The following ADAMTS5 variants were observed in gnomAD, a reference collection of about 807,000 sequenced individuals.
ADAMTS5 encodes the protein ADAM metallopeptidase with thrombospondin type 1 motif 5.
A neutral mutation model predicts 81.4 loss-of-function variants in ADAMTS5; 54 were observed. The observed-to-expected ratio is 0.66, with a 90% CI of 0.53 to 0.83. The LOEUF (loss-of-function observed/expected upper bound fraction) is 0.83, where lower values mean the gene tolerates loss of function less well. Among genes scored for constraint, ADAMTS5 ranks in the 40% least tolerant of loss-of-function variants. ADAMTS5 has a pLI of 0.00. For synonymous variants in ADAMTS5, 532 were observed against 508.8 expected, an observed-to-expected ratio of 1.05 and a Z score of -0.61; for missense variants, 1,194 against 1,229.9, an observed-to-expected ratio of 0.97 and a Z score of 0.44.
Position 26,922,139 on chromosome 21 carries a change from G to T in ADAMTS5, c.*1914C>A, listed in dbSNP as rs564807594. ...GATCTCCATCACATATAGGTTATCA[G>T]CCTTGTACAGGCCTCATTTCTCAAA... On this transcript the variant is annotated 3_prime_UTR_variant, in exon 8 of 8. Transcript: ENST00000284987. 2.0e-5 allele frequency: 3 copies of T among 151,968 alleles called. No individual in the cohort carries two copies. Among genetic ancestry groups the T allele is most frequent in the South Asian group, 4.1e-4 (2 of 4,824 alleles). 9.4% of individuals were successfully genotyped at this position (151,968 alleles called of 1,614,324 possible). A position where few individuals can be genotyped will look rare whatever the true frequency, so the allele number is the denominator to read the frequency against.
chr21:26,928,718 T>C (rs1472722667), intron 7 of ADAMTS5, among the ~76,000 whole-genome samples: 2 of 151,510 alleles, frequency 1.3e-5, no homozygotes, highest in Non-Finnish European at 2.9e-5. Flanking sequence ...TTTCTTTCTC[T>C]CTTTCTTCTA....
intron 3 of ADAMTS5, among the ~76,000 whole-genome samples, chr21:26,942,601 G>T (rs1425032544): frequency 6.6e-6 from 1 of 152,052 alleles, no homozygotes; most frequent in African/African-American, 2.4e-5. Flanking sequence ...ACTGAAGAAT[G>T]CTTGGAAATT....
chr21:26,958,227 T>C (rs1183461174), intron 1 of ADAMTS5, among the ~76,000 whole-genome samples: 1 of 152,116 alleles, frequency 6.6e-6, no homozygotes, highest in East Asian at 1.9e-4. Flanking sequence ...CACAGGTAGA[T>C]ACCATCACAG....
At chr21:26,932,795 T>A in intron 5 of ADAMTS5, 66 bp downstream of exon 5, 2 of 1,505,444 alleles carry the variant, frequency 1.3e-6, no homozygotes, top group Non-Finnish European at 1.8e-6. Context: ...CTTCCCTTAT[T>A]CATTATTGCT....
intron 6 of ADAMTS5, among the ~76,000 whole-genome samples, chr21:26,931,362 T>C (rs1986903657): frequency 3.3e-5 from 5 of 152,164 alleles, no homozygotes; most frequent in Admixed American, 3.3e-4. Flanking sequence ...ATTTTAAATG[T>C]AGCAACTGTT....
rs910769133 is a variant in ADAMTS5 at position 26,938,981 on chromosome 21, T to C, written c.1406-4232A>G. ...TGCAGGAGAAATCAATTAATGTTCC[T>C]AATCAAACTCATCCGAAGAAGCCTA... On this transcript the variant is annotated intron_variant, in intron 3 of 7. Transcript: ENST00000284987. Among the ~76,000 whole-genome samples, 5 of 152,250 alleles carry C rather than the reference T, an allele frequency of 3.3e-5. No individual in the cohort carries two copies. In the South Asian group the frequency reaches 6.2e-4, roughly 19 times the overall value.
chr21:26,943,938 A>G (rs1326749256), intron 2 of ADAMTS5, among the ~76,000 whole-genome samples: 1 of 152,172 alleles, frequency 6.6e-6, no homozygotes, highest in Non-Finnish European at 1.5e-5. Context: ...AAGCCCCATG[A>G]GATCAAAGTG....
intron 2 of ADAMTS5, among the ~76,000 whole-genome samples, chr21:26,949,687 T>C (rs1414645377): frequency 1.3e-5 from 2 of 152,174 alleles, no homozygotes; most frequent in African/African-American, 2.4e-5. Context: ...AAACTGACAA[T>C]AGACACAAAA....
In ADAMTS5 at chr21:26,966,591, C is replaced by A. The variant is rs1238496158; in HGVS notation, c.-200G>T. On this transcript the variant is annotated 5_prime_UTR_variant, in exon 1 of 8. Transcript: ENST00000284987. ...CCAGCGTGCGAACTTTTCTTTGTTG[C>A]TTGGGAAAATGTTTGGATTCGTGCT... The A allele has an allele frequency of 1.5e-5, 3 of 201,448 alleles. No individual in the cohort carries two copies. The highest frequency in any genetic ancestry group is 9.8e-5 in the African/African-American group (3 of 30,732). 12.5% of individuals were successfully genotyped at this position (201,448 alleles called of 1,614,324 possible).
At chr21:26,945,885 G>A (rs1397889188) in intron 2 of ADAMTS5, among the ~76,000 whole-genome samples, 2 of 152,146 alleles carry the variant, frequency 1.3e-5, no homozygotes, top group East Asian at 3.9e-4. Context: ...CCTCAGCAAG[G>A]GGATGTGACT....
At chr21:26,945,456 T>C (rs1987197503) in intron 2 of ADAMTS5, among the ~76,000 whole-genome samples, 2 of 152,342 alleles carry the variant, frequency 1.3e-5, no homozygotes, top group African/African-American at 2.4e-5. Context: ...AATGAAGTAA[T>C]GGCCTTTTCC....
chr21:26,952,645 G>C (rs1987343387), intron 2 of ADAMTS5, among the ~76,000 whole-genome samples: 1 of 152,184 alleles, frequency 6.6e-6, no homozygotes, highest in Non-Finnish European at 1.5e-5. Flanking sequence ...TTCCTTTAAG[G>C]AATGTGGAAT....
At position 26,933,051 on chromosome 21, in the gene ADAMTS5, T is replaced by C. The variant is rs1986945438; in HGVS notation, c.1690-7A>G. ...AGTTGCCATGGCTTGACGTCTGAAA[T>C]AGAGAATAGAATATATTTTAACTCC... is the stretch of plus-strand genomic sequence containing the variant. On this transcript the variant is annotated splice_polypyrimidine_tract_variant and splice_region_variant and intron_variant, in intron 4 of 7. Coordinates refer to ENST00000284987, the MANE Select transcript of ADAMTS5 (RefSeq NM_007038.5). 6.2e-7 allele frequency: 1 copy of C among 1,609,116 alleles called. No homozygotes were observed. The highest frequency in any genetic ancestry group is 1.3e-5 in the African/African-American group (1 of 74,662).
At chr21:26,938,768 G>T (rs2123181178) in intron 3 of ADAMTS5, among the ~76,000 whole-genome samples, 1 of 152,318 alleles carries the variant, frequency 6.6e-6, no homozygotes, top group East Asian at 1.9e-4. Context: ...GACCTCAGGT[G>T]ATCCGCCCAC....
At chr21:26,959,175 A>G (rs750723170) in intron 1 of ADAMTS5, among the ~76,000 whole-genome samples, 11 of 152,202 alleles carry the variant, frequency 7.2e-5, no homozygotes, top group Non-Finnish European at 8.8e-5. Context: ...TCATTCTGGT[A>G]AAGAGAAATG....
rs1297814450 is a variant in ADAMTS5, at chr21:26,965,550, C to T, written c.842G>A (p.Arg281Gln). ...ATGCTGCAGGCCCCGGCCATACAAC[C>T]GCGCCATGGACGCGTCAGCCACCAG... Reference protein sequence around the residue: ...LLLVADASMARLYGRGLQHYL... With the variant: ...LLLVADASMAQLYGRGLQHYL... The change falls in exon 1 of 8, where the codon CGG (arginine) becomes CAG (glutamine). Residue 281 changes from arginine (R) to glutamine (Q), a missense_variant. Physicochemically the swap from Arg to Gln is conservative, Grantham distance 43 (BLOSUM62 1). Coordinates refer to ENST00000284987, the MANE Select transcript of ADAMTS5 (RefSeq NM_007038.5). 15 of 1,612,290 alleles carry T rather than the reference C, an allele frequency of 9.3e-6. No homozygotes were observed. The highest frequency in any genetic ancestry group is 1.3e-5 in the African/African-American group (1 of 74,924).
At chr21:26,943,339 A>C (rs1330987226) in intron 3 of ADAMTS5, 41 bp downstream of exon 3, 1 of 1,566,702 alleles carries the variant, frequency 6.4e-7, no homozygotes, top group South Asian at 1.2e-5. Context: ...AAGAATCCCA[A>C]ATTTTGTTTC....
intron 6 of ADAMTS5, among the ~76,000 whole-genome samples, chr21:26,931,200 C>T (rs944973622): frequency 3.3e-5 from 5 of 152,108 alleles, no homozygotes; most frequent in Admixed American, 2.0e-4. Flanking sequence ...GTGTGTGCCA[C>T]CACGCCCAGC....
chr21:26,934,652 G>A lies in ADAMTS5; in HGVS notation c.1503C>T (p.Phe501=), dbSNP rs770985728. ...CGGGACACACGGAGTACTCAGGCCC[G>A]AATGTCAGGTTGCACTGCTGGGTGG... ...YDATQQCNLT[F]GPEYSVCPGM... The change falls in exon 4 of 8, where the codon TTC becomes TTT. Residue 501 remains phenylalanine (F), a synonymous_variant. Coordinates refer to ENST00000284987, the MANE Select transcript of ADAMTS5 (RefSeq NM_007038.5). 3.8e-5 allele frequency: 61 copies of A among 1,614,074 alleles called. No homozygotes were observed. Among genetic ancestry groups the A allele is most frequent in the Admixed American group, 1.7e-4 (10 of 60,006 alleles).
Sources: gnomAD v4.1 joint callset for allele counts (sites outside exome capture counted in the v4.1 genomes callset) on GRCh38, gnomAD v4.1.1 for gene constraint, MANE v1.5 for transcripts, NCBI Gene and HGNC (gene_info 2026-07-23, HGNC 2026-07-21) for gene names.